NOS2: variants seen among roughly 807,000 people sequenced by gnomAD.
The protein encoded by NOS2 is nitric oxide synthase, inducible.
A neutral mutation model predicts 136.0 loss-of-function variants in NOS2; 96 were observed. The ratio of observed to expected loss-of-function variants is 0.71; its 90% CI spans 0.60 to 0.84. The LOEUF (loss-of-function observed/expected upper bound fraction) is 0.84. NOS2 is among the 40% of genes least tolerant of loss of function. NOS2 has a pLI of 0.00. For missense variants in NOS2, 1,237 were observed against 1,496.9 expected (o/e 0.83, Z 2.87); for synonymous variants, 539 against 587.5 (o/e 0.92, Z 1.20).
At chr17:27,787,999 G>T (rs1909073126) in intron 4 of NOS2, among the ~76,000 whole-genome samples, 173 bp from the exon 5 acceptor site, 1 of 152,092 alleles carries the variant, frequency 6.6e-6, no homozygotes, top group African/African-American at 2.4e-5. Context: ...CTCCCACCTA[G>T]ATCTCCTCTC....
At chr17:27,782,163 G>T in intron 6 of NOS2, 57 bp from the exon 7 acceptor site, 1 of 1,488,674 alleles carries the variant, frequency 6.7e-7, no homozygotes, top group Non-Finnish European at 9.3e-7. Context: ...GAGGCTTTGA[G>T]GCTGATCAGA....
chr17:27,797,992 T>G (rs1026844631), intron 2 of NOS2, among the ~76,000 whole-genome samples: 2 of 152,042 alleles, frequency 1.3e-5, no homozygotes, highest in Non-Finnish European at 2.9e-5. Context: ...TCAGTTGAGA[T>G]GCAAAGTCTG....
intron 2 of NOS2, among the ~76,000 whole-genome samples, chr17:27,792,898 G>T (rs1390999348): frequency 6.6e-6 from 1 of 151,992 alleles, no homozygotes; most frequent in African/African-American, 2.4e-5. Context: ...GCTAAGGTGG[G>T]AGGATCACCT....
intron 26 of NOS2, among the ~76,000 whole-genome samples, chr17:27,758,325 G>T (rs1462090159): frequency 5.3e-5 from 8 of 152,188 alleles, no homozygotes; most frequent in African/African-American, 9.7e-5. Flanking sequence ...CTCTGTAAAA[G>T]GGGGTGCCTC....
intron 14 of NOS2, 51 bp downstream of exon 14, chr17:27,772,257 C>A: frequency 6.2e-7 from 1 of 1,604,792 alleles, no homozygotes; most frequent in Non-Finnish European, 8.5e-7. Flanking sequence ...TTTTCCTAGA[C>A]TCCCCTGCAC....
intron 15 of NOS2, among the ~76,000 whole-genome samples, chr17:27,770,079 T>C (rs1908442584): frequency 6.6e-6 from 1 of 152,248 alleles, no homozygotes; most frequent in South Asian, 2.1e-4. Flanking sequence ...TATTTTTTAG[T>C]TATTCCCCTT....
intron 5 of NOS2, among the ~76,000 whole-genome samples, chr17:27,785,957 C>CAAAAAAAAA (rs1170004221): frequency 2.5e-5 from 1 of 39,790 alleles, no homozygotes; most frequent in African/African-American, 1.0e-4. Context: ...GACCGAGTCT[C>CAAAAAAAAA]AAAAAAAAAA....
chr17:27,783,962 G>C (rs1280367111), intron 5 of NOS2, among the ~76,000 whole-genome samples: 1 of 152,180 alleles, frequency 6.6e-6, no homozygotes, highest in Non-Finnish European at 1.5e-5. Flanking sequence ...CCCAGGGCCT[G>C]GCCAGAAAAG....
At chr17:27,786,948 T>G (rs1909040967) in intron 5 of NOS2, among the ~76,000 whole-genome samples, 1 of 152,212 alleles carries the variant, frequency 6.6e-6, no homozygotes, top group African/African-American at 2.4e-5. Flanking sequence ...GCATACTCAG[T>G]GCCTGATGTG....
intron 15 of NOS2, among the ~76,000 whole-genome samples, 181 bp from the exon 16 acceptor site, chr17:27,769,765 T>G (rs1245080665): frequency 6.6e-6 from 1 of 152,216 alleles, no homozygotes; most frequent in Non-Finnish European, 1.5e-5. Flanking sequence ...GTTTAGCTTG[T>G]CTCTCACTCC....
Position 27,760,728 on chromosome 17 carries a change from G to C in NOS2, c.2905C>G (p.Leu969Val). 6.5e-7 allele frequency: 1 copy of C among 1,549,874 alleles called. No individual in the cohort carries two copies. The highest frequency in any genetic ancestry group is 8.7e-7 in the Non-Finnish European group (1 of 1,146,974). Residue 969 changes from leucine (L) to valine (V), a missense_variant, in exon 24 of 27, where the codon CTC becomes GTC. By Grantham distance (32) the Leu-to-Val change is conservative (BLOSUM62 1). Around this residue, in one of 3 missense-constraint regions of NOS2, gnomAD observed 782 missense variants for 909.9 expected, o/e 0.86. Coordinates refer to ENST00000313735, the MANE Select transcript of NOS2 (RefSeq NM_000625.4). ...CFVRNASGFH[L>V]PEDPSHPCIL... is the part of the protein sequence containing the mutation. Reference sequence around the variant, plus strand: ...CAAGGATGGGAGGGATCCTCGGGGAGGTGGAAGCCGCTGGCACTGAAGAGG... The same window carrying C: ...CAAGGATGGGAGGGATCCTCGGGGACGTGGAAGCCGCTGGCACTGAAGAGG...
intron 17 of NOS2, among the ~76,000 whole-genome samples, chr17:27,768,173 G>T (rs961043196): frequency 8.0e-5 from 2 of 24,948 alleles, no homozygotes; most frequent in Non-Finnish European, 1.7e-4. Context: ...CCTCAGTCCC[G>T]TACCTGTAGC....
At chr17:27,795,280 A>G (rs1365128977) in intron 2 of NOS2, among the ~76,000 whole-genome samples, 3 of 151,980 alleles carry the variant, frequency 2.0e-5, no homozygotes, top group Admixed American at 6.5e-5. Context: ...TGTAGATGTT[A>G]TGAGTTTGGA....
At chr17:27,772,938 G>C (rs994467680) in intron 13 of NOS2, among the ~76,000 whole-genome samples, 2 of 152,198 alleles carry the variant, frequency 1.3e-5, no homozygotes, top group African/African-American at 4.8e-5. Flanking sequence ...GGGAGGCTCA[G>C]GTGGGAGGAT....
intron 9 of NOS2, among the ~76,000 whole-genome samples, chr17:27,779,706 G>C (rs1908783191): frequency 7.2e-6 from 1 of 139,014 alleles, no homozygotes; most frequent in South Asian, 2.6e-4. Context: ...CAACACAACA[G>C]AGCAATTAAG....
At chr17:27,775,527 G>A (rs763228244) in intron 11 of NOS2, among the ~76,000 whole-genome samples, 15 of 152,226 alleles carry the variant, frequency 9.9e-5, no homozygotes, top group Middle Eastern at 6.8e-3. Flanking sequence ...GCTTGAACCC[G>A]GGAGGCGGAG....
At chr17:27,759,240 T>C (rs77624785) in intron 25 of NOS2, among the ~76,000 whole-genome samples, 165 bp from the exon 26 acceptor site, 7,075 of 152,244 alleles carry the variant, frequency 0.046, 356 homozygotes, top group East Asian at 0.19. Context: ...ATGAGGTGCA[T>C]GGATGCCCCT....
chr17:27,791,785 A>T (rs1567643073), intron 2 of NOS2, among the ~76,000 whole-genome samples: 2 of 150,624 alleles, frequency 1.3e-5, no homozygotes, highest in African/African-American at 4.9e-5. Flanking sequence ...AACAAAACAA[A>T]ACAAAACAAA....
intron 24 of NOS2, 40 bp downstream of exon 24, chr17:27,760,583 C>T (rs1437112046): frequency 1.4e-5 from 21 of 1,551,018 alleles, no homozygotes; most frequent in Non-Finnish European, 1.7e-5. Flanking sequence ...AGGCGCTGGC[C>T]CCCTGGTGCC....
Sources: allele counts gnomAD v4.1 joint callset (sites outside exome capture counted in the v4.1 genomes callset), GRCh38; gene constraint gnomAD v4.1.1; regional missense constraint gnomAD v4.1.1; transcripts MANE v1.5; gene names NCBI Gene and HGNC (gene_info 2026-07-23, HGNC 2026-07-21).